The following TEAD4 variants were observed in gnomAD, a reference collection of about 807,000 sequenced individuals.
TEAD4 encodes the protein transcriptional enhancer factor TEF-3.
A neutral mutation model predicts 52.4 loss-of-function variants in TEAD4; 36 were observed. The observed-to-expected ratio is 0.69, with a 90% CI of 0.53 to 0.91. TEAD4 has a LOEUF of 0.91. Ranked by LOEUF, TEAD4 falls within the 40% of genes least tolerant of loss-of-function variation. TEAD4 has a pLI of 0.00. For missense variants in TEAD4, 508 were observed against 583.9 expected, an observed-to-expected ratio of 0.87 and a Z score of 1.34; for synonymous variants, 220 against 231.0, an observed-to-expected ratio of 0.95 and a Z score of 0.43.
Position 3,016,294 on chromosome 12 carries a change from C to G in TEAD4, c.355-1104C>G, listed in dbSNP as rs188572023. On this transcript the variant is annotated intron_variant, in intron 5 of 12. Transcript: ENST00000359864. ...CTACCAACCTCAGCCTCTCCAGGAG[C>G]TGGGATTACAGGCATGAACCACCAC... 3.9e-5 allele frequency among the ~76,000 whole-genome samples: 6 copies of G among 152,308 alleles called. No individual in the cohort carries two copies. The East Asian group carries it at 7.7e-4, about 20-fold the overall frequency.
At chr12:3,013,871 C>A (rs1291409541) in intron 5 of TEAD4, among the ~76,000 whole-genome samples, 2 of 152,252 alleles carry the variant, frequency 1.3e-5, no homozygotes, top group Non-Finnish European at 2.9e-5. Context: ...CATTGTGAGA[C>A]CCCATCTCTG....
At chr12:3,026,980 T>A (rs1438802428) in intron 10 of TEAD4, among the ~76,000 whole-genome samples, 1 of 152,192 alleles carries the variant, frequency 6.6e-6, no homozygotes, top group Non-Finnish European at 1.5e-5. Context: ...TTAAGTTTTC[T>A]CCTGCTCCTA....
At chr12:2,970,020 G>C (rs1216937787) in intron 2 of TEAD4, among the ~76,000 whole-genome samples, 1 of 152,094 alleles carries the variant, frequency 6.6e-6, no homozygotes, top group African/African-American at 2.4e-5. Flanking sequence ...GAGCCCAGGG[G>C]TTTGAGACCA....
chr12:2,988,402 C>G (rs989914728), intron 2 of TEAD4, among the ~76,000 whole-genome samples: 1 of 151,410 alleles, frequency 6.6e-6, no homozygotes, highest in Non-Finnish European at 1.5e-5. Flanking sequence ...GCCTATAATC[C>G]CAGCTACTTG....
At chr12:3,004,225 A>G (rs146077023) in intron 3 of TEAD4, among the ~76,000 whole-genome samples, 375 of 152,330 alleles carry the variant, frequency 2.5e-3, no homozygotes, top group African/African-American at 8.2e-3. Flanking sequence ...AAGGAGCAGC[A>G]TCGTCCCTTG....
intron 10 of TEAD4, among the ~76,000 whole-genome samples, chr12:3,034,150 C>T (rs1331831828): frequency 1.3e-5 from 2 of 151,750 alleles, no homozygotes; most frequent in South Asian, 2.1e-4. Flanking sequence ...GGCCCCCCTG[C>T]CTCTAGCACT....
Position 2,985,575 on chromosome 12 carries a change from G to A in TEAD4, c.-29-9163G>A, listed in dbSNP as rs550366259. 1.4e-4 allele frequency among the ~76,000 whole-genome samples: 17 copies of A among 125,696 alleles called. No homozygotes were observed. In the South Asian group the frequency reaches 2.3e-3, roughly 17 times the overall value. 82.5% of individuals were successfully genotyped at this position (125,696 alleles called of 152,430 possible). On this transcript the variant is annotated intron_variant, in intron 2 of 12. Transcript: ENST00000359864. Reference sequence around the variant, plus strand: ...GGCTGGAGTGTAGTGGCACGATCTCGGCTCACTGCAACCTCCGCCTCCCGG... The same window carrying A: ...GGCTGGAGTGTAGTGGCACGATCTCAGCTCACTGCAACCTCCGCCTCCCGG...
chr12:3,010,902 A>C, intron 3 of TEAD4, 102 bp from the exon 4 acceptor site: 1 of 1,282,442 alleles, frequency 7.8e-7, no homozygotes, highest in Admixed American at 1.8e-5. Flanking sequence ...GGATGGGCAG[A>C]GAGTGAGGGC....
chr12:2,987,136 G>A (rs1387710730), intron 2 of TEAD4, among the ~76,000 whole-genome samples: 2 of 152,202 alleles, frequency 1.3e-5, no homozygotes, highest in Non-Finnish European at 2.9e-5. Context: ...TGCCTGGTAG[G>A]CAGTTTCTGT....
At chr12:3,035,075 C>T (rs2098278542) in intron 10 of TEAD4, among the ~76,000 whole-genome samples, 2 of 151,874 alleles carry the variant, frequency 1.3e-5, no homozygotes, top group Admixed American at 1.3e-4. Flanking sequence ...CACTCCAGCC[C>T]AGGCGACAGA....
At chr12:2,998,520 G>A (rs1343244599) in intron 3 of TEAD4, among the ~76,000 whole-genome samples, 1 of 151,478 alleles carries the variant, frequency 6.6e-6, no homozygotes, top group East Asian at 1.9e-4. Context: ...CCAGGGAGGG[G>A]CATGGGATGG....
rs2098271523 is a variant in TEAD4, at chr12:3,025,476, C to T, written c.897+3459C>T. Among the ~76,000 whole-genome samples, 4 of 151,698 alleles carry T rather than the reference C, an allele frequency of 2.6e-5. No homozygotes were observed. The South Asian group carries it at 8.4e-4, about 32-fold the overall frequency. On this transcript the variant is annotated intron_variant, in intron 10 of 12. Transcript: ENST00000359864. The stretch of plus-strand genomic sequence containing the variant: ...TACTTGACTGATTGGTATTGGTAGT[C>T]TGGATAAAGAATCTAGATCATACAT...
Position 3,040,305 on chromosome 12 carries a change from A to G in TEAD4, c.1191+46A>G, listed in dbSNP as rs761364220. 5.0e-5 allele frequency: 80 copies of G among 1,613,952 alleles called. No individual in the cohort carries two copies. In the Middle Eastern group the frequency reaches 3.1e-3, roughly 63 times the overall value. On this transcript the variant is annotated intron_variant, in intron 12 of 12. Transcript: ENST00000359864. ...GTGTGGCTGGAGTCTGTGTGTGGGT[A>G]GCAGCCATGGCATGCCCCTTCTGGG...
intron 3 of TEAD4, among the ~76,000 whole-genome samples, chr12:3,007,481 C>T (rs1251982619): frequency 6.6e-6 from 1 of 152,230 alleles, no homozygotes; most frequent in African/African-American, 2.4e-5. Context: ...TACCTGCCCA[C>T]TGCAGGGAGG....
At chr12:3,020,337 C>T (rs773422008) in intron 8 of TEAD4, among the ~76,000 whole-genome samples, 3 of 152,136 alleles carry the variant, frequency 2.0e-5, no homozygotes, top group Non-Finnish European at 4.4e-5. Context: ...GGAAGCCTCT[C>T]GGTCCTGCAG....
At chr12:2,968,035 G>A (rs1339648993) in intron 2 of TEAD4, among the ~76,000 whole-genome samples, 1 of 151,154 alleles carries the variant, frequency 6.6e-6, no homozygotes, top group African/African-American at 2.4e-5. Context: ...CCATTTTTGT[G>A]GGTCTTCCTC....
intron 2 of TEAD4, among the ~76,000 whole-genome samples, chr12:2,981,447 G>T (rs1006248340): frequency 6.6e-6 from 1 of 152,220 alleles, no homozygotes; most frequent in Non-Finnish European, 1.5e-5. Flanking sequence ...CAGCTCAGGG[G>T]CCTCTGGGAA....
chr12:2,977,738 G>T (rs528789488), intron 2 of TEAD4, among the ~76,000 whole-genome samples: 1 of 152,312 alleles, frequency 6.6e-6, no homozygotes, highest in Non-Finnish European at 1.5e-5. Context: ...ACATGTCCCG[G>T]ACTTCACGTG....
Position 2,995,004 on chromosome 12 carries a change from G to A in TEAD4, c.226+12G>A, listed in dbSNP as rs772335541. ...GGGCAAGATGTATGGTAAGGAGCCC[G>A]TCGGGTTCAGCCCTGTACCTGAGGC... On this transcript the variant is annotated intron_variant, in intron 3 of 12. Transcript: ENST00000359864. 197 of 1,611,280 alleles carry A rather than the reference G, an allele frequency of 1.2e-4. No individual in the cohort carries two copies. The highest frequency in any genetic ancestry group is 1.5e-4 in the Non-Finnish European group (176 of 1,178,736).
Sources: gnomAD v4.1 joint callset for allele counts (sites outside exome capture counted in the v4.1 genomes callset) on GRCh38, gnomAD v4.1.1 for gene constraint, MANE v1.5 for transcripts, NCBI Gene and HGNC (gene_info 2026-07-23, HGNC 2026-07-21) for gene names.